NLGN1: variants seen among roughly 807,000 people sequenced by gnomAD.
The protein encoded by NLGN1 is neuroligin-1.
In NLGN1, 12 loss-of-function variants were observed where a neutral mutation model predicts 65.5. The observed-to-expected ratio is 0.18, with a 90% CI of 0.12 to 0.30. NLGN1 has a LOEUF of 0.30. Ranked by LOEUF, NLGN1 falls within the 10% of genes least tolerant of loss-of-function variation. NLGN1 has a pLI of 1.00. For missense variants in NLGN1, 750 were observed against 1,007.1 expected, an observed-to-expected ratio of 0.74 and a Z score of 3.46; for synonymous variants, 350 against 359.5, an observed-to-expected ratio of 0.97 and a Z score of 0.30.
intron 4 of NLGN1, among the ~76,000 whole-genome samples, chr3:174,156,930 C>T (rs993211154): frequency 2.7e-5 from 4 of 150,126 alleles, no homozygotes; most frequent in African/African-American, 9.8e-5. Flanking sequence ...TTTTAAATTG[C>T]GTGATTTTAA....
intron 3 of NLGN1, among the ~76,000 whole-genome samples, chr3:173,736,078 A>T (rs1488564): frequency 1.1e-4 from 16 of 151,832 alleles, no homozygotes; most frequent in Non-Finnish European, 2.1e-4. Context: ...GGAGGTAGGC[A>T]CAGACTGAAG....
chr3:173,804,609 A>G (rs1716200388), intron 3 of NLGN1, among the ~76,000 whole-genome samples: 1 of 151,186 alleles, frequency 6.6e-6, no homozygotes, highest in African/African-American at 2.4e-5. Flanking sequence ...TTCTTTCTAA[A>G]AACAAATAAA....
At chr3:173,715,882 G>C (rs889051978) in intron 3 of NLGN1, among the ~76,000 whole-genome samples, 34 of 109,256 alleles carry the variant, frequency 3.1e-4, no homozygotes, top group Non-Finnish European at 1.1e-4. Context: ...GGATTTCAGA[G>C]TTTTGAAAAA....
chr3:173,562,759 C>T (rs1742963538), intron 2 of NLGN1, among the ~76,000 whole-genome samples: 1 of 152,142 alleles, frequency 6.6e-6, no homozygotes, highest in South Asian at 2.1e-4. Flanking sequence ...TACTGGGTCT[C>T]ATCTTATCTG....
intron 4 of NLGN1, among the ~76,000 whole-genome samples, chr3:174,118,301 C>T (rs1463744850): frequency 3.3e-5 from 5 of 152,080 alleles, no homozygotes; most frequent in African/African-American, 9.7e-5. Flanking sequence ...CCTGCTTCAG[C>T]GTCAGAGCTC....
intron 4 of NLGN1, among the ~76,000 whole-genome samples, chr3:174,161,108 A>G (rs73046292): frequency 0.13 from 20,074 of 151,876 alleles, 1,380 homozygotes; most frequent in Admixed American, 0.17. Flanking sequence ...ACTTAATAAT[A>G]TAGACTGTGT....
At chr3:173,968,569 T>C (rs1482391032) in intron 4 of NLGN1, among the ~76,000 whole-genome samples, 1 of 151,980 alleles carries the variant, frequency 6.6e-6, no homozygotes, top group African/African-American at 2.4e-5. Context: ...AAAAATACTT[T>C]ATAGCAAGAA....
chr3:173,819,106 A>G (rs1719648631), intron 4 of NLGN1, among the ~76,000 whole-genome samples: 1 of 151,898 alleles, frequency 6.6e-6, no homozygotes, highest in South Asian at 2.1e-4. Context: ...TACTCTGTAA[A>G]CATATGGATA....
chr3:173,875,111 A>G (rs928806299), intron 4 of NLGN1, among the ~76,000 whole-genome samples: 2 of 152,216 alleles, frequency 1.3e-5, no homozygotes, highest in Non-Finnish European at 2.9e-5. Flanking sequence ...ATTTTTCACA[A>G]GCCTCTTCAC....
intron 3 of NLGN1, among the ~76,000 whole-genome samples, chr3:173,623,147 A>G (rs1428688757): frequency 6.6e-6 from 1 of 152,052 alleles, no homozygotes; most frequent in Non-Finnish European, 1.5e-5. Context: ...CTGCCTCTAA[A>G]ATGGCCTCTA....
chr3:174,176,935 T>G (rs1398135648), intron 4 of NLGN1, among the ~76,000 whole-genome samples: 4 of 152,062 alleles, frequency 2.6e-5, no homozygotes, highest in Non-Finnish European at 5.9e-5. Context: ...TACTTGTAAC[T>G]GTGCAGTGCT....
At chr3:173,647,946 A>G (rs530770240) in intron 3 of NLGN1, among the ~76,000 whole-genome samples, 199 of 152,256 alleles carry the variant, frequency 1.3e-3, no homozygotes, top group African/African-American at 4.7e-3. Context: ...AAGAGGCACT[A>G]TTATTAAGAT....
intron 3 of NLGN1, among the ~76,000 whole-genome samples, chr3:173,776,709 C>T (rs537536150): frequency 6.6e-6 from 1 of 151,842 alleles, no homozygotes; most frequent in African/African-American, 2.4e-5. Flanking sequence ...GTTTATTTTC[C>T]TCCGTATATA....
chr3:173,783,742 G>C (rs1346416266), intron 3 of NLGN1, among the ~76,000 whole-genome samples: 1 of 152,116 alleles, frequency 6.6e-6, no homozygotes, highest in Non-Finnish European at 1.5e-5. Context: ...AGCCTCCTGA[G>C]TTGTTGAGAT....
chr3:173,683,670 C>A (rs568848366), intron 3 of NLGN1, among the ~76,000 whole-genome samples: 1 of 152,018 alleles, frequency 6.6e-6, no homozygotes, highest in Non-Finnish European at 1.5e-5. Context: ...ACTTCAGAAC[C>A]CATCCACATA....
intron 2 of NLGN1, among the ~76,000 whole-genome samples, chr3:173,437,167 T>C (rs1383029535): frequency 6.6e-6 from 1 of 152,202 alleles, no homozygotes; most frequent in Admixed American, 6.5e-5. Flanking sequence ...TCGTGATCTG[T>C]TTAGAAAGTA....
At chr3:173,661,325 G>A (rs1026182901) in intron 3 of NLGN1, among the ~76,000 whole-genome samples, 2 of 151,890 alleles carry the variant, frequency 1.3e-5, no homozygotes, top group Non-Finnish European at 2.9e-5. Context: ...TGTTATCCAC[G>A]TTTTTCAGAT....
chr3:174,283,213 T>A (rs1002319535), exon 7 of NLGN1: 45 of 151,482 alleles, frequency 3.0e-4, no homozygotes, highest in African/African-American at 1.1e-3. Flanking sequence ...ACCAGTCAGG[T>A]TTTTGAAGAC....
intron 3 of NLGN1, among the ~76,000 whole-genome samples, chr3:173,650,001 CA>C (rs1758890301): frequency 6.6e-6 from 1 of 151,810 alleles, no homozygotes; most frequent in Admixed American, 6.6e-5. Context: ...TTTCTTTTTG[CA>C]AAAAAACCTA....
Sources: allele counts gnomAD v4.1 joint callset (sites outside exome capture counted in the v4.1 genomes callset), GRCh38; gene constraint gnomAD v4.1.1; transcripts MANE v1.5; gene names NCBI Gene and HGNC (gene_info 2026-07-23, HGNC 2026-07-21).